RSPO2: variants seen among roughly 807,000 people sequenced by gnomAD.
RSPO2 encodes R-spondin-2.
A neutral mutation model predicts 30.9 loss-of-function variants in RSPO2; 14 were observed. The observed-to-expected ratio is 0.45, with a 90% CI of 0.30 to 0.71. RSPO2 has a LOEUF of 0.71. Ranked by LOEUF, RSPO2 falls within the 30% of genes least tolerant of loss-of-function variation. RSPO2 has a pLI of 0.08. For missense variants in RSPO2, 264 were observed against 301.9 expected (o/e 0.87, Z 0.93); for synonymous variants, 107 against 96.4 (o/e 1.11, Z -0.64).
chr8:108,019,289 G>A (rs1810986762), intron 2 of RSPO2, among the ~76,000 whole-genome samples: 1 of 152,098 alleles, frequency 6.6e-6, no homozygotes, highest in Non-Finnish European at 1.5e-5. Context: ...AGGAGATGGA[G>A]GTTGCAGCGA....
intron 2 of RSPO2, among the ~76,000 whole-genome samples, chr8:108,025,848 T>G (rs1811199973): frequency 6.6e-6 from 1 of 152,170 alleles, no homozygotes; most frequent in Non-Finnish European, 1.5e-5. Flanking sequence ...AGAATTCCAG[T>G]TAATGAATAT....
chr8:107,953,431 C>T (rs530365469), intron 5 of RSPO2, among the ~76,000 whole-genome samples: 2 of 152,154 alleles, frequency 1.3e-5, no homozygotes, highest in South Asian at 4.1e-4. Flanking sequence ...AACACTTTGG[C>T]CCTTATGCAA....
At chr8:107,984,695 A>G (rs990314098) in intron 3 of RSPO2, among the ~76,000 whole-genome samples, 1 of 152,238 alleles carries the variant, frequency 6.6e-6, no homozygotes, top group African/African-American at 2.4e-5. Flanking sequence ...TTTGTTTTTA[A>G]TGATGCAAGA....
chr8:108,048,258 G>C (rs1184531136), intron 2 of RSPO2, among the ~76,000 whole-genome samples: 1 of 151,810 alleles, frequency 6.6e-6, no homozygotes, highest in African/African-American at 2.4e-5. Flanking sequence ...AGTCATGGGG[G>C]ACTTTTAAGA....
At chr8:107,933,485 T>C (rs1812614537) in intron 5 of RSPO2, among the ~76,000 whole-genome samples, 1 of 152,202 alleles carries the variant, frequency 6.6e-6, no homozygotes, top group Non-Finnish European at 1.5e-5. Context: ...TATGTGTGTG[T>C]GTGTTTATGT....
intron 2 of RSPO2, among the ~76,000 whole-genome samples, chr8:108,045,583 A>C (rs1811887125): frequency 6.6e-6 from 1 of 152,164 alleles, no homozygotes; most frequent in Non-Finnish European, 1.5e-5. Context: ...ATAAAGAAGT[A>C]TGTTTCATTC....
At chr8:108,051,141 T>C (rs1812067376) in intron 2 of RSPO2, among the ~76,000 whole-genome samples, 1 of 152,054 alleles carries the variant, frequency 6.6e-6, no homozygotes, top group African/African-American at 2.4e-5. Flanking sequence ...ATAAATTTGG[T>C]GAAGAAAGAG....
At chr8:107,939,379 C>T (rs1001724606) in intron 5 of RSPO2, among the ~76,000 whole-genome samples, 1 of 150,058 alleles carries the variant, frequency 6.7e-6, no homozygotes, top group Admixed American at 6.7e-5. Context: ...AGAGAACAAG[C>T]GAAAAAATAT....
chr8:108,025,645 C>A (rs1207636868), intron 2 of RSPO2, among the ~76,000 whole-genome samples: 1 of 152,098 alleles, frequency 6.6e-6, no homozygotes, highest in Non-Finnish European at 1.5e-5. Context: ...CCCACCTCAG[C>A]CTCCCACATA....
At chr8:108,048,377 T>C (rs1811971983) in intron 2 of RSPO2, among the ~76,000 whole-genome samples, 1 of 151,698 alleles carries the variant, frequency 6.6e-6, no homozygotes, top group Non-Finnish European at 1.5e-5. Context: ...TGCAACTAGA[T>C]AGAACAAAGT....
At chr8:107,901,780 C>T (rs1811478567) in intron 5 of RSPO2, among the ~76,000 whole-genome samples, 1 of 152,132 alleles carries the variant, frequency 6.6e-6, no homozygotes, top group African/African-American at 2.4e-5. Context: ...ATCCAAATCC[C>T]CTGGACAAGT....
At chr8:108,066,873 A>G (rs1254279135) in intron 2 of RSPO2, among the ~76,000 whole-genome samples, 1 of 152,202 alleles carries the variant, frequency 6.6e-6, no homozygotes, top group African/African-American at 2.4e-5. Context: ...TAATCTCAGC[A>G]TGACTAAGAA....
At chr8:108,064,847 A>G (rs1417697273) in intron 2 of RSPO2, among the ~76,000 whole-genome samples, 1 of 152,210 alleles carries the variant, frequency 6.6e-6, no homozygotes, top group Non-Finnish European at 1.5e-5. Context: ...GCAGCCATAA[A>G]CAAGGATGAG....
intron 2 of RSPO2, among the ~76,000 whole-genome samples, chr8:108,001,788 C>A (rs948957327): frequency 1.3e-5 from 2 of 152,024 alleles, no homozygotes; most frequent in Middle Eastern, 3.4e-3. Context: ...TCTTCCAACA[C>A]CAAAAGAAAA....
chr8:108,003,303 ATATATATATTTTTTTTTTTTTTTTT>A (rs1815333059), intron 2 of RSPO2, among the ~76,000 whole-genome samples: 2 of 27,216 alleles, frequency 7.3e-5, no homozygotes, highest in African/African-American at 2.3e-4. Flanking sequence ...ATATATATAT[ATATATATATTTTTTTTTTTTTTTTT>A]TTTTTTTTTA....
intron 2 of RSPO2, among the ~76,000 whole-genome samples, chr8:108,035,825 T>A (rs769753901): frequency 6.6e-6 from 1 of 151,582 alleles, no homozygotes; most frequent in African/African-American, 2.4e-5. Flanking sequence ...ACTGTTTCAG[T>A]TTCGCTGGAT....
chr8:108,077,561 A>T (rs1216983364), intron 2 of RSPO2, among the ~76,000 whole-genome samples: 1 of 152,108 alleles, frequency 6.6e-6, no homozygotes, highest in Non-Finnish European at 1.5e-5. Context: ...GAAAAAAATG[A>T]GTGAAAATCT....
At chr8:108,027,368 C>A (rs1425873981) in intron 2 of RSPO2, among the ~76,000 whole-genome samples, 1 of 152,116 alleles carries the variant, frequency 6.6e-6, no homozygotes, top group East Asian at 1.9e-4. Context: ...TAGTTCAGTG[C>A]CAATAACAAG....
intron 2 of RSPO2, among the ~76,000 whole-genome samples, chr8:108,069,884 T>G (rs565327906): frequency 6.6e-6 from 1 of 152,200 alleles, no homozygotes. Context: ...TATGCCCTCA[T>G]AGGTGTGCCA....
Sources: gnomAD v4.1 joint callset for allele counts (sites outside exome capture counted in the v4.1 genomes callset) on GRCh38, gnomAD v4.1.1 for gene constraint, MANE v1.5 for transcripts, NCBI Gene and HGNC (gene_info 2026-07-23, HGNC 2026-07-21) for gene names.